Variants in AKR1E2 observed in about 807,000 individuals in gnomAD.
AKR1E2 encodes 1,5-anhydro-D-fructose reductase.
AKR1E2 carries 43 observed loss-of-function variants against 41.9 expected under a neutral mutation model. The observed-to-expected ratio is 1.03, with a 90% confidence interval of 0.80 to 1.32. The LOEUF (loss-of-function observed/expected upper bound fraction) is 1.32, where lower values mean the gene tolerates loss of function less well. AKR1E2 is among the 40% of genes most tolerant of loss of function. The probability of loss-of-function intolerance (pLI) is 0.00; values close to 1 mark genes in which losing one functional copy is unlikely to be tolerated. For synonymous variants in AKR1E2, 121 were observed against 138.9 expected, an observed-to-expected ratio of 0.87 and a Z score of 0.91; for missense variants, 423 against 396.5, an observed-to-expected ratio of 1.07 and a Z score of -0.57.
chr10:4,847,663 A>C lies in AKR1E2; in HGVS notation c.*133A>C, dbSNP rs1834431359. On this transcript the variant is annotated 3_prime_UTR_variant, in exon 10 of 10. Coordinates refer to ENST00000298375, the MANE Select transcript of AKR1E2 (RefSeq NM_001040177.3). ...GAGCCACACAGTCAGAGGGGGATGTAAGAGCCACCTTCTCTGACAAATCTG... is the reference window on the plus strand; with the variant it reads ...GAGCCACACAGTCAGAGGGGGATGTCAGAGCCACCTTCTCTGACAAATCTG... 3 of 1,000,608 alleles carry C rather than the reference A, an allele frequency of 3.0e-6. No homozygotes were observed. The South Asian group carries it at 4.5e-5, about 15-fold the overall frequency. The allele number at this position is 1,000,608 out of a possible 1,614,324, so 62.0% of individuals were successfully genotyped here.
chr10:4,826,272 C>T lies in AKR1E2; in HGVS notation c.-53C>T, dbSNP rs1036650259. 43 of 1,223,010 alleles carry T rather than the reference C, an allele frequency of 3.5e-5. No individual in the cohort carries two copies. In the Admixed American group the frequency reaches 6.8e-4, roughly 19 times the overall value. 75.8% of individuals were successfully genotyped at this position (1,223,010 alleles called of 1,614,324 possible). A position where few individuals can be genotyped will look rare whatever the true frequency, so the allele number is the denominator to read the frequency against. On this transcript the variant is annotated 5_prime_UTR_variant, in exon 1 of 10. Coordinates refer to ENST00000298375, the MANE Select transcript of AKR1E2 (RefSeq NM_001040177.3). The stretch of plus-strand genomic sequence containing the variant: ...AGCGCCGCAGTAGCTCGCGCGGTGC[C>T]TGTCGGTAGTCGCGTGCGGGGCGGC...
chr10:4,847,855 A>G lies in AKR1E2; in HGVS notation c.*325A>G, dbSNP rs541035873. Reference sequence around the variant, plus strand: ...TTAAGCCATCTACAGAGCTGAGGAAACAGTGTAATGTGTCTCTGCCCCATT... The same window carrying G: ...TTAAGCCATCTACAGAGCTGAGGAAGCAGTGTAATGTGTCTCTGCCCCATT... On this transcript the variant is annotated 3_prime_UTR_variant, in exon 10 of 10. Transcript: ENST00000298375. The G allele has an allele frequency of 3.9e-5, 12 of 310,326 alleles. No individual in the cohort carries two copies. Among genetic ancestry groups the G allele is most frequent in the Admixed American group, 9.4e-5 (2 of 21,326 alleles). 19.2% of individuals were successfully genotyped at this position (310,326 alleles called of 1,614,324 possible).
chr10:4,854,050 T>C, the AKR1E2 span, among the ~76,000 whole-genome samples: 2 of 151,854 alleles, frequency 1.3e-5, no homozygotes, highest in Admixed American at 6.6e-5. Flanking sequence ...GGGGCTGTTT[T>C]GTCTATGGAG....
the AKR1E2 span, among the ~76,000 whole-genome samples, chr10:4,871,583 C>A: frequency 6.6e-6 from 1 of 152,070 alleles, no homozygotes; most frequent in Admixed American, 6.6e-5. Context: ...ATTGTGATCA[C>A]CCCTTCCAGG....
upstream of AKR1E2, chr10:4,825,091 C>A: frequency 2.2e-6 from 1 of 445,724 alleles, no homozygotes. Flanking sequence ...ATCGAAGATC[C>A]CCCTTCCCAC....
intron 4 of AKR1E2, among the ~76,000 whole-genome samples, chr10:4,836,633 G>A (rs1228550376): frequency 6.6e-6 from 1 of 152,210 alleles, no homozygotes; most frequent in Non-Finnish European, 1.5e-5. Flanking sequence ...TCCCAGGCTA[G>A]GCTCCCCCCA....
chr10:4,869,691 A>C, the AKR1E2 span, among the ~76,000 whole-genome samples: 2 of 151,474 alleles, frequency 1.3e-5, no homozygotes, highest in Non-Finnish European at 2.9e-5. Flanking sequence ...ACACAATTTG[A>C]TATGTTGCGT....
chr10:4,869,325 A>G, the AKR1E2 span, among the ~76,000 whole-genome samples: 3 of 152,154 alleles, frequency 2.0e-5, no homozygotes, highest in Non-Finnish European at 4.4e-5. Flanking sequence ...AGTTGTTTGT[A>G]GTACCCCATT....
intron 8 of AKR1E2, chr10:4,846,007 C>T (rs561986309): frequency 5.3e-4 from 207 of 391,584 alleles, no homozygotes; most frequent in African/African-American, 3.7e-3. Flanking sequence ...TGCCCCGGCC[C>T]GCCCCCTGTG....
chr10:4,837,363 A>G lies in AKR1E2; in HGVS notation c.460-96A>G. The stretch of plus-strand genomic sequence containing the variant: ...AAAATATTGTAAAAATATTGGGTCC[A>G]ACCAGTTTTAGAATACCATACAGAA... On this transcript the variant is annotated intron_variant, in intron 4 of 9. Coordinates refer to ENST00000298375, the MANE Select transcript of AKR1E2 (RefSeq NM_001040177.3). 11 of 1,456,678 alleles carry G rather than the reference A, an allele frequency of 7.6e-6. No homozygotes were observed. The South Asian group carries it at 1.7e-4, about 22-fold the overall frequency. 90.2% of individuals were successfully genotyped at this position (1,456,678 alleles called of 1,614,324 possible). A position where few individuals can be genotyped will look rare whatever the true frequency, so the allele number is the denominator to read the frequency against.
At chr10:4,842,632 T>A in intron 8 of AKR1E2, 128 bp downstream of exon 8, 1 of 753,464 alleles carries the variant, frequency 1.3e-6, no homozygotes, top group Non-Finnish European at 2.2e-6. Flanking sequence ...CTCTGCACTG[T>A]GGGTGTTGGT....
intron 8 of AKR1E2, among the ~76,000 whole-genome samples, chr10:4,842,858 A>G (rs78987748): frequency 0.035 from 5,306 of 152,176 alleles, 148 homozygotes; most frequent in East Asian, 0.11. Context: ...CTAAGCGTGC[A>G]CTCAGGAGAA....
chr10:4,843,092 AGAAGTGTGT>A (rs961595565), intron 8 of AKR1E2, among the ~76,000 whole-genome samples: 2 of 152,228 alleles, frequency 1.3e-5, no homozygotes, highest in African/African-American at 4.8e-5. Context: ...CAAGAACCAC[AGAAGTGTGT>A]GAAGTGTGTG....
In AKR1E2 at chr10:4,827,495, C is replaced by G. The variant is rs914386310; in HGVS notation, c.39+1132C>G. On this transcript the variant is annotated intron_variant, in intron 1 of 9. Coordinates refer to ENST00000298375, the MANE Select transcript of AKR1E2 (RefSeq NM_001040177.3). ...CTTCCTCACCTCCCCCAGCCCCCAG[C>G]GTCTTATAACCACCATTCTATTCTA... 2.1e-5 allele frequency among the ~76,000 whole-genome samples: 3 copies of G among 141,676 alleles called. 1 individual carries two copies. The South Asian group carries it at 6.5e-4, about 31-fold the overall frequency. The allele number at this position is 141,676 out of a possible 152,430, so 92.9% of individuals were successfully genotyped here.
chr10:4,833,301 T>C, intron 2 of AKR1E2, 49 bp from the exon 3 acceptor site: 1 of 1,462,014 alleles, frequency 6.8e-7, no homozygotes. Context: ...ATGGGTGCCA[T>C]GCTGGCTCTG....
At chr10:4,844,707 C>T (rs1369147427) in intron 8 of AKR1E2, among the ~76,000 whole-genome samples, 1 of 152,332 alleles carries the variant, frequency 6.6e-6, no homozygotes, top group Non-Finnish European at 1.5e-5. Context: ...GGTGCATTCA[C>T]AAACCGTGAG....
At chr10:4,840,355 T>C (rs1833777162) in intron 6 of AKR1E2, among the ~76,000 whole-genome samples, 2 of 152,230 alleles carry the variant, frequency 1.3e-5, no homozygotes, top group Admixed American at 6.5e-5. Context: ...GAAGTTGGAC[T>C]TTGTTTCATG....
At chr10:4,826,117 C>A, upstream of AKR1E2, 1 of 408,430 alleles carries the variant, frequency 2.4e-6, no homozygotes, top group East Asian at 3.6e-5. Context: ...GTCCTTAATA[C>A]AACCAGCCAG....
At chr10:4,854,096 T>TTTG in the AKR1E2 span, among the ~76,000 whole-genome samples, 151 of 133,188 alleles carry the variant, frequency 1.1e-3, 1 homozygote, top group African/African-American at 3.7e-3. Context: ...TTTTTTTTTT[T>TTTG]TTTTTTTTTT....
Sources: allele counts gnomAD v4.1 joint callset (sites outside exome capture counted in the v4.1 genomes callset), GRCh38; gene constraint gnomAD v4.1.1; transcripts MANE v1.5; gene names NCBI Gene and HGNC (gene_info 2026-07-23, HGNC 2026-07-21).